Variants in NR2F1-AS1 observed in about 807,000 individuals in gnomAD.
NR2F1-AS1 encodes NR2F1 antisense RNA 1.
intron 4 of NR2F1-AS1, among the ~76,000 whole-genome samples, chr5:93,510,553 C>T (rs17083191): frequency 0.17 from 26,202 of 152,028 alleles, 3,518 homozygotes; most frequent in African/African-American, 0.38. Flanking sequence ...TTTCTACTAG[C>T]TTTTTGTGAC....
intron 4 of NR2F1-AS1, among the ~76,000 whole-genome samples, chr5:93,451,466 C>T (rs1362917355): frequency 6.6e-6 from 1 of 152,008 alleles, no homozygotes; most frequent in African/African-American, 2.4e-5. Context: ...GCAGCAGTGC[C>T]ATCATGGTTC....
intron 2 of NR2F1-AS1, among the ~76,000 whole-genome samples, chr5:93,562,682 T>C (rs576799290): frequency 6.6e-6 from 1 of 152,334 alleles, no homozygotes; most frequent in Non-Finnish European, 1.5e-5. Flanking sequence ...ATAGTAATAT[T>C]AATAAAAATC....
chr5:93,505,362 G>C lies in NR2F1-AS1; in HGVS notation n.638+48399C>G, dbSNP rs142365638. Among the ~76,000 whole-genome samples the C allele has an allele frequency of 5.3e-3, 814 of 152,240 alleles. 6 individuals are homozygous for C. The highest frequency in any genetic ancestry group is 0.019 in the African/African-American group (770 of 41,540). ...CAGGTGCATGGTGAAAGCTGTCAGT[G>C]GTCTACCATTCTGGGGTCTGGAAGA... On this transcript the variant is annotated intron_variant and non_coding_transcript_variant, in intron 4 of 5. Transcript: ENST00000660523.
intron 2 of NR2F1-AS1, among the ~76,000 whole-genome samples, chr5:93,559,006 C>G (rs1752425776): frequency 1.3e-5 from 2 of 152,186 alleles, no homozygotes; most frequent in Admixed American, 6.5e-5. Context: ...CTGGTTTAGC[C>G]TCTAACAAGA....
chr5:93,518,038 T>TC (rs1390685478), intron 4 of NR2F1-AS1, among the ~76,000 whole-genome samples: 5 of 152,056 alleles, frequency 3.3e-5, no homozygotes, highest in African/African-American at 1.2e-4. Context: ...TAAGCAATCC[T>TC]CCCTCCTCAG....
At chr5:93,526,630 T>G (rs1167049042) in intron 4 of NR2F1-AS1, among the ~76,000 whole-genome samples, 5 of 152,070 alleles carry the variant, frequency 3.3e-5, no homozygotes, top group Non-Finnish European at 7.4e-5. Context: ...CAGCAGTACA[T>G]CAAAAAGCTT....
At chr5:93,526,858 G>A (rs550139024) in intron 4 of NR2F1-AS1, among the ~76,000 whole-genome samples, 1 of 152,178 alleles carries the variant, frequency 6.6e-6, no homozygotes, top group East Asian at 1.9e-4. Context: ...AAAATAATAA[G>A]AGCTATTTAT....
chr5:93,503,243 T>C (rs1431965608), intron 4 of NR2F1-AS1, among the ~76,000 whole-genome samples: 2 of 152,180 alleles, frequency 1.3e-5, no homozygotes, highest in Non-Finnish European at 2.9e-5. Flanking sequence ...GTAATTTGAT[T>C]ATAAATTCTA....
intron 4 of NR2F1-AS1, among the ~76,000 whole-genome samples, chr5:93,425,287 C>G (rs375897065): frequency 6.6e-6 from 1 of 152,114 alleles, no homozygotes; most frequent in African/African-American, 2.4e-5. Context: ...TGACTGCTGG[C>G]AAGAGCCTCG....
At chr5:93,435,286 C>T (rs1749410326) in intron 4 of NR2F1-AS1, among the ~76,000 whole-genome samples, 2 of 152,090 alleles carry the variant, frequency 1.3e-5, no homozygotes, top group Admixed American at 6.5e-5. Context: ...TCATTATTCT[C>T]ATTATTTTGA....
intron 1 of NR2F1-AS1, among the ~76,000 whole-genome samples, chr5:93,572,786 C>A (rs1049704626): frequency 1.3e-5 from 2 of 152,220 alleles, no homozygotes; most frequent in African/African-American, 2.4e-5. Flanking sequence ...GCCTTTATCC[C>A]CATCAATTAA....
At chr5:93,539,616 G>A (rs1165685321) in intron 4 of NR2F1-AS1, among the ~76,000 whole-genome samples, 1 of 152,118 alleles carries the variant, frequency 6.6e-6, no homozygotes, top group African/African-American at 2.4e-5. Flanking sequence ...GGGAAGGAGG[G>A]AATGGAGGAT....
At chr5:93,514,188 C>T (rs1466898521) in intron 4 of NR2F1-AS1, among the ~76,000 whole-genome samples, 1 of 151,888 alleles carries the variant, frequency 6.6e-6, no homozygotes, top group Non-Finnish European at 1.5e-5. Context: ...TGTTTTAAGT[C>T]CAAGAATTGA....
intron 4 of NR2F1-AS1, among the ~76,000 whole-genome samples, chr5:93,520,723 G>C (rs1383522458): frequency 1.3e-5 from 2 of 152,022 alleles, no homozygotes. Context: ...TTATTTAAAT[G>C]AGCAAAAGGA....
At chr5:93,494,796 T>C (rs914190176) in intron 4 of NR2F1-AS1, among the ~76,000 whole-genome samples, 1 of 152,204 alleles carries the variant, frequency 6.6e-6, no homozygotes, top group Non-Finnish European at 1.5e-5. Context: ...TGCACATGAA[T>C]GTTTATAGCA....
At position 93,441,763 on chromosome 5, in the gene NR2F1-AS1, A is replaced by AT. The variant is rs1482378741; in HGVS notation, n.639-46222dup. Among the ~76,000 whole-genome samples, 3 of 152,374 alleles carry AT rather than the reference A, an allele frequency of 2.0e-5. No homozygotes were observed. The East Asian group carries it at 5.8e-4, about 29-fold the overall frequency. On this transcript the variant is annotated intron_variant and non_coding_transcript_variant, in intron 4 of 5. Transcript: ENST00000660523. Reference sequence around the variant, plus strand: ...CCTTGGCTTCCTCTTTGTCATAAAAATTAGTTAAAAAACAATCCAATGTGC... The same window carrying AT: ...CCTTGGCTTCCTCTTTGTCATAAAAATTTAGTTAAAAAACAATCCAATGTGC...
At chr5:93,527,196 A>T (rs556925015) in intron 4 of NR2F1-AS1, among the ~76,000 whole-genome samples, 11 of 152,316 alleles carry the variant, frequency 7.2e-5, no homozygotes, top group African/African-American at 2.6e-4. Context: ...ATTCTTACAC[A>T]TCAATAATAG....
chr5:93,535,359 A>C (rs1407223755), intron 4 of NR2F1-AS1, among the ~76,000 whole-genome samples: 1 of 151,624 alleles, frequency 6.6e-6, no homozygotes, highest in Non-Finnish European at 1.5e-5. Flanking sequence ...AATAAATATA[A>C]AAAATTTAAA....
intron 4 of NR2F1-AS1, among the ~76,000 whole-genome samples, chr5:93,447,899 G>A (rs1367629086): frequency 6.6e-6 from 1 of 152,136 alleles, no homozygotes; most frequent in Non-Finnish European, 1.5e-5. Context: ...GTCCTTTGCA[G>A]GGACATGGAT....
Sources: allele counts gnomAD v4.1 joint callset (sites outside exome capture counted in the v4.1 genomes callset), GRCh38; gene constraint gnomAD v4.1.1; transcripts MANE v1.5; gene names NCBI Gene and HGNC (gene_info 2026-07-23, HGNC 2026-07-21).